OSBPL8: variants seen among roughly 807,000 people sequenced by gnomAD.
The protein encoded by OSBPL8 is oxysterol-binding protein-related protein 8.
Under a neutral mutation model 125.5 loss-of-function variants are expected in OSBPL8, and 59 were observed. The ratio of observed to expected loss-of-function variants is 0.47; its 90% CI spans 0.38 to 0.58. OSBPL8 has a LOEUF of 0.58. OSBPL8 is among the 20% of genes least tolerant of loss of function. The pLI, the probability that OSBPL8 is intolerant of heterozygous loss-of-function variation, is 0.00. For missense variants in OSBPL8, 758 were observed against 1,047.8 expected (o/e 0.72, Z 3.82); for synonymous variants, 330 against 338.9 (o/e 0.97, Z 0.29).
At chr12:76,408,189 C>T (rs1954352955) in intron 5 of OSBPL8, among the ~76,000 whole-genome samples, 1 of 148,446 alleles carries the variant, frequency 6.7e-6, no homozygotes, top group African/African-American at 2.5e-5. Context: ...TGGCCGGGCA[C>T]GGTGACTCAC....
At chr12:76,508,080 G>C (rs1000202662) in intron 1 of OSBPL8, among the ~76,000 whole-genome samples, 2 of 151,306 alleles carry the variant, frequency 1.3e-5, no homozygotes, top group African/African-American at 2.4e-5. Flanking sequence ...CTGAGGCAGG[G>C]GAATCGCTTG....
chr12:76,449,290 C>T (rs1253876617), intron 4 of OSBPL8, among the ~76,000 whole-genome samples: 1 of 152,168 alleles, frequency 6.6e-6, no homozygotes, highest in African/African-American at 2.4e-5. Flanking sequence ...CAGGAGATTT[C>T]CGTACATTTG....
chr12:76,453,812 G>A (rs1217843835), intron 3 of OSBPL8, among the ~76,000 whole-genome samples: 5 of 151,732 alleles, frequency 3.3e-5, no homozygotes, highest in African/African-American at 1.2e-4. Flanking sequence ...ACAAAAGGTT[G>A]GTACCTAGAA....
chr12:76,439,503 G>C (rs982959497), intron 4 of OSBPL8, among the ~76,000 whole-genome samples: 3 of 152,158 alleles, frequency 2.0e-5, no homozygotes, highest in Admixed American at 6.5e-5. Context: ...CTCAATTTCA[G>C]AGATGACAGA....
chr12:76,500,637 T>C (rs1432290778), intron 1 of OSBPL8, among the ~76,000 whole-genome samples: 2 of 152,218 alleles, frequency 1.3e-5, no homozygotes, highest in African/African-American at 4.8e-5. Context: ...TTTCTTGCCC[T>C]GAATGAGTGG....
chr12:76,481,589 G>A (rs888713774), intron 2 of OSBPL8, among the ~76,000 whole-genome samples: 1 of 152,004 alleles, frequency 6.6e-6, no homozygotes, highest in East Asian at 1.9e-4. Context: ...AGGATCACAC[G>A]ACTACAGTCC....
intron 1 of OSBPL8, among the ~76,000 whole-genome samples, chr12:76,498,354 A>G (rs1009646517): frequency 3.9e-5 from 6 of 152,234 alleles, no homozygotes; most frequent in African/African-American, 1.2e-4. Context: ...GTATTAATTT[A>G]GGGTTTGTCT....
intron 1 of OSBPL8, among the ~76,000 whole-genome samples, chr12:76,491,781 A>G (rs1389301767): frequency 6.6e-6 from 1 of 152,266 alleles, no homozygotes; most frequent in East Asian, 1.9e-4. Flanking sequence ...AGCAGATGAT[A>G]TAAAAATTAT....
At chr12:76,407,201 T>A (rs1954298063) in intron 5 of OSBPL8, among the ~76,000 whole-genome samples, 1 of 152,200 alleles carries the variant, frequency 6.6e-6, no homozygotes, top group African/African-American at 2.4e-5. Context: ...AATGTATAAA[T>A]TTTACAACTG....
intron 4 of OSBPL8, among the ~76,000 whole-genome samples, chr12:76,442,984 C>T (rs1872363983): frequency 6.6e-6 from 1 of 152,114 alleles, no homozygotes; most frequent in African/African-American, 2.4e-5. Flanking sequence ...ATTTTTAGTG[C>T]TGCTAGAGCA....
chr12:76,360,329 C>T (rs112195879), intron 21 of OSBPL8, among the ~76,000 whole-genome samples: 1 of 152,338 alleles, frequency 6.6e-6, no homozygotes, highest in African/African-American at 2.4e-5. Flanking sequence ...TCTCCTTTGA[C>T]TCCACGTTTC....
At chr12:76,406,335 T>C (rs1418439103) in intron 5 of OSBPL8, among the ~76,000 whole-genome samples, 1 of 152,182 alleles carries the variant, frequency 6.6e-6, no homozygotes, top group African/African-American at 2.4e-5. Context: ...AAATGTATAT[T>C]TTAAAGCAAG....
rs754997190 is a variant in OSBPL8 at position 76,356,038 on chromosome 12, CA to C, written c.2538-18del. 3.1e-6 allele frequency: 5 copies of C among 1,598,896 alleles called. No homozygotes were observed. The highest frequency in any genetic ancestry group is 4.3e-6 in the Non-Finnish European group (5 of 1,174,376). On this transcript the variant is annotated intron_variant, in intron 23 of 23. Transcript: ENST00000261183. ...ATAATATTTCTATAAAAATAAGCAA[CA>C]ACAAATTTTGTAATGATTTGCCAGA...
chr12:76,510,881 C>CAA (rs71445235), intron 1 of OSBPL8, among the ~76,000 whole-genome samples: 10,762 of 106,182 alleles, frequency 0.1, 522 homozygotes, highest in Admixed American at 0.15. Context: ...AACCCCATCT[C>CAA]AAAAAAAAAA....
rs1310431602 is a variant in OSBPL8, at chr12:76,352,457, A to G, written c.*3432T>C. On this transcript the variant is annotated 3_prime_UTR_variant, in exon 24 of 24. Coordinates refer to ENST00000261183, the MANE Select transcript of OSBPL8 (RefSeq NM_020841.5). ...AATATACTAAACTCACACAACAGGT[A>G]GAATAAAATGAAACCAAATTACATA... 1 of 152,596 alleles carries G rather than the reference A, an allele frequency of 6.6e-6. No homozygotes were observed. The highest frequency in any genetic ancestry group is 1.5e-5 in the Non-Finnish European group (1 of 67,966). 9.5% of individuals were successfully genotyped at this position (152,596 alleles called of 1,614,324 possible).
At chr12:76,370,442 T>C (rs1364640353) in intron 19 of OSBPL8, among the ~76,000 whole-genome samples, 1 of 152,232 alleles carries the variant, frequency 6.6e-6, no homozygotes, top group Non-Finnish European at 1.5e-5. Flanking sequence ...AGTATATCTA[T>C]ATCCTACCCA....
rs751578399 is a variant in OSBPL8 at position 76,356,034 on chromosome 12, G to GCAA, written c.2538-16_2538-14dup. The GCAA allele has an allele frequency of 2.1e-5, 34 of 1,600,720 alleles. No individual in the cohort carries two copies. In the Admixed American group the frequency reaches 5.4e-4, roughly 25 times the overall value. Reference sequence around the variant, plus strand: ...AGCCATAATATTTCTATAAAAATAAGCAACAACAAATTTTGTAATGATTTG... The same window carrying GCAA: ...AGCCATAATATTTCTATAAAAATAAGCAACAACAACAAATTTTGTAATGATTTG... On this transcript the variant is annotated splice_polypyrimidine_tract_variant and intron_variant, in intron 23 of 23. Transcript: ENST00000261183.
At chr12:76,537,734 C>T (rs1038864472) in intron 1 of OSBPL8, among the ~76,000 whole-genome samples, 15 of 151,940 alleles carry the variant, frequency 9.9e-5, no homozygotes. Flanking sequence ...CATGGTAAAA[C>T]CCCGTCTCCA....
At chr12:76,412,289 G>C (rs1176982373) in intron 4 of OSBPL8, among the ~76,000 whole-genome samples, 1 of 152,064 alleles carries the variant, frequency 6.6e-6, no homozygotes, top group Non-Finnish European at 1.5e-5. Flanking sequence ...GTTAGAGGTT[G>C]GAACAGTAGT....
Sources: allele counts gnomAD v4.1 joint callset (sites outside exome capture counted in the v4.1 genomes callset), GRCh38; gene constraint gnomAD v4.1.1; transcripts MANE v1.5; gene names NCBI Gene and HGNC (gene_info 2026-07-23, HGNC 2026-07-21).